Variants in RCC1L observed in about 807,000 individuals in gnomAD.
RCC1L encodes the protein RCC1-like G exchanging factor-like protein.
A neutral mutation model predicts 58.6 loss-of-function variants in RCC1L; 46 were observed. The ratio of observed to expected loss-of-function variants is 0.79; its 90% CI spans 0.62 to 1.00. RCC1L has a LOEUF of 1.00. RCC1L is among the 50% of genes least tolerant of loss of function. The probability of loss-of-function intolerance (pLI) is 0.00; values close to 1 mark genes in which losing one functional copy is unlikely to be tolerated. For missense variants in RCC1L, 636 were observed against 623.6 expected (o/e 1.02, Z -0.21); for synonymous variants, 281 against 262.9 (o/e 1.07, Z -0.67).
chr7:75,049,983 CAG>C (rs1805855105), intron 10 of RCC1L, among the ~76,000 whole-genome samples: 1 of 152,146 alleles, frequency 6.6e-6, no homozygotes, highest in South Asian at 2.1e-4. Flanking sequence ...CCAAAGAGGA[CAG>C]GGGTCGAGGC....
In RCC1L at chr7:75,045,520, CTTTTT is replaced by C. The variant is rs781987423; in HGVS notation, c.1318-2416_1318-2412del. ...TGCAAAGAAGCAGATATGCATCTCT[CTTTTT>C]TTTTTTTTTGAGACGGAGTCTCGCT... On this transcript the variant is annotated intron_variant, in intron 10 of 10. Coordinates refer to ENST00000610322, the MANE Select transcript of RCC1L (RefSeq NM_030798.5). 2.1e-5 allele frequency among the ~76,000 whole-genome samples: 3 copies of C among 143,184 alleles called. No homozygotes were observed. In the Admixed American group the frequency reaches 2.1e-4, roughly 10 times the overall value. 93.9% of individuals were successfully genotyped at this position (143,184 alleles called of 152,430 possible).
chr7:75,072,192 G>GTA (rs1806785594), intron 1 of RCC1L, among the ~76,000 whole-genome samples: 2 of 63,260 alleles, frequency 3.2e-5, no homozygotes, highest in African/African-American at 4.2e-5. Flanking sequence ...ATATATATAT[G>GTA]GAGAGAGAGA....
intron 10 of RCC1L, among the ~76,000 whole-genome samples, chr7:75,030,643 T>C (rs1805277303): frequency 6.6e-6 from 1 of 152,172 alleles, no homozygotes; most frequent in Admixed American, 6.5e-5. Flanking sequence ...CCCACAGGGC[T>C]GCTTGAGTGT....
rs1806693220 is a variant in RCC1L at position 75,070,701 on chromosome 7, G to T, written c.393C>A (p.Val131=). 6.2e-7 allele frequency: 1 copy of T among 1,613,994 alleles called. No individual in the cohort carries two copies. Among genetic ancestry groups the T allele is most frequent in the Admixed American group, 1.7e-5 (1 of 59,988 alleles). Residue 131 remains valine (V), a synonymous_variant, in exon 2 of 11, where the codon GTC becomes GTA. Transcript: ENST00000610322. ...LSSKTADVTK[V]WGMGLNKDSQ... ...AATCTTTGTTGAGTCCCATCCCCCAGACTTTCGTAACATCCGCAGTCTTAG... is the reference window on the plus strand; with the variant it reads ...AATCTTTGTTGAGTCCCATCCCCCATACTTTCGTAACATCCGCAGTCTTAG...
chr7:75,059,135 G>C (rs1418064340), intron 6 of RCC1L, among the ~76,000 whole-genome samples: 9 of 136,116 alleles, frequency 6.6e-5, no homozygotes, highest in Non-Finnish European at 1.2e-4. Context: ...GGAGGTTCCA[G>C]TTAAGCCAAG....
At chr7:75,050,610 G>A (rs1805874488) in intron 10 of RCC1L, among the ~76,000 whole-genome samples, 1 of 152,282 alleles carries the variant, frequency 6.6e-6, no homozygotes, top group African/African-American at 2.4e-5. Context: ...GAAAGAAAGG[G>A]CAAAGTGAGA....
chr7:75,062,417 A>G (rs1806304656), intron 5 of RCC1L, among the ~76,000 whole-genome samples: 1 of 152,188 alleles, frequency 6.6e-6, no homozygotes, highest in Non-Finnish European at 1.5e-5. Context: ...GGGCTGAGGC[A>G]AGATCACTTG....
intron 3 of RCC1L, among the ~76,000 whole-genome samples, chr7:75,065,790 G>C (rs1806451933): frequency 6.6e-6 from 1 of 152,036 alleles, no homozygotes; most frequent in Non-Finnish European, 1.5e-5. Flanking sequence ...GACCGAGGTG[G>C]GCGGATCACC....
downstream of RCC1L, among the ~76,000 whole-genome samples, chr7:75,040,755 G>A (rs1018173924): frequency 1.3e-3 from 203 of 152,144 alleles, no homozygotes; most frequent in Non-Finnish European, 1.7e-3. Context: ...AATGACACAC[G>A]GTTTTCAATT....
At chr7:75,028,091 G>A in intron 10 of RCC1L, 1 of 1,526,282 alleles carries the variant, frequency 6.6e-7, no homozygotes, top group South Asian at 1.2e-5. Flanking sequence ...TGGCGGGGGA[G>A]GAAGAGGGCT....
At chr7:75,066,574 C>A in intron 3 of RCC1L, 90 bp downstream of exon 3, 10 of 1,568,934 alleles carry the variant, frequency 6.4e-6, no homozygotes, top group Non-Finnish European at 8.7e-6. Context: ...GTGGCTCAAT[C>A]GATCAAGCCA....
chr7:75,056,073 T>C lies in RCC1L; in HGVS notation c.1059A>G (p.Gly353=). Residue 353 remains glycine, a splice_region_variant and synonymous_variant, in exon 9 of 11, where the codon GGA becomes GGG. Transcript: ENST00000610322. ...CGGTGCAVLN[G]EGHVFVWGYG... ...AGCCCCAGACAAAAACATGTCCTTCTCCTACATTACAGTAAAAACAAGGGT... is the reference window on the plus strand; with the variant it reads ...AGCCCCAGACAAAAACATGTCCTTCCCCTACATTACAGTAAAAACAAGGGT... 6.2e-7 allele frequency: 1 copy of C among 1,613,900 alleles called. No homozygotes were observed. The highest frequency in any genetic ancestry group is 8.5e-7 in the Non-Finnish European group (1 of 1,179,836).
In RCC1L at chr7:75,066,717, A is replaced by C; in HGVS notation, c.530T>G (p.Leu177Arg). ...PLDRPQETRV[L>R]QVSCGRAHSL... Reference sequence around the variant, plus strand: ...GTGAGCTCGGCCGCAGGAGACCTGCAGCACCCGTGTCTCCTGAGGTCTGTC... The same window carrying C: ...GTGAGCTCGGCCGCAGGAGACCTGCCGCACCCGTGTCTCCTGAGGTCTGTC... Residue 177 changes from leucine (L) to arginine (R), a missense_variant, in exon 3 of 11, where the codon CTG becomes CGG. Physicochemically the swap from Leu to Arg is moderately radical, Grantham distance 102. Coordinates refer to ENST00000610322, the MANE Select transcript of RCC1L (RefSeq NM_030798.5). 6.2e-7 allele frequency: 1 copy of C among 1,613,646 alleles called. No individual in the cohort carries two copies. Among genetic ancestry groups the C allele is most frequent in the Non-Finnish European group, 8.5e-7 (1 of 1,179,732 alleles).
chr7:75,058,735 G>A lies in RCC1L; in HGVS notation c.822C>T (p.Thr274=). The A allele has an allele frequency of 3.1e-6, 5 of 1,613,986 alleles. No homozygotes were observed. The highest frequency in any genetic ancestry group is 4.2e-6 in the Non-Finnish European group (5 of 1,179,860). The stretch of plus-strand genomic sequence containing the variant: ...CTCCCGCCAGGTCTCCACCCAGCTT[G>A]GTGGGCGAGCTGGTGATATTGTAGT... The part of the protein sequence containing the change: ...LGHYNITSSP[T]KLGGDLAGVN... The change falls in exon 7 of 11, where the codon ACC becomes ACT. Residue 274 remains threonine, a synonymous_variant. Coordinates refer to ENST00000610322, the MANE Select transcript of RCC1L (RefSeq NM_030798.5).
Position 75,027,974 on chromosome 7 carries a change from C to T in RCC1L, c.*58G>A. On this transcript the variant is annotated 3_prime_UTR_variant, in exon 11 of 11. Transcript: ENST00000614461. ...GAGGGGCATGTGTTTCTCAGAGGGG[C>T]TCCATCCGCAGTTGCATGGAACTCC... 2.0e-6 allele frequency: 3 copies of T among 1,506,394 alleles called. No individual in the cohort carries two copies. The South Asian group carries it at 3.6e-5, about 18-fold the overall frequency. The allele number at this position is 1,506,394 out of a possible 1,614,324, so 93.3% of individuals were successfully genotyped here. A position where few individuals can be genotyped will look rare whatever the true frequency, so the allele number is the denominator to read the frequency against.
chr7:75,034,040 C>A (rs1805376844), intron 10 of RCC1L, among the ~76,000 whole-genome samples: 1 of 152,050 alleles, frequency 6.6e-6, no homozygotes, highest in Non-Finnish European at 1.5e-5. Flanking sequence ...AAAATATGCA[C>A]CGAAAGGGAA....
chr7:75,044,480 C>A (rs1805658475), intron 10 of RCC1L, among the ~76,000 whole-genome samples: 1 of 150,732 alleles, frequency 6.6e-6, no homozygotes, highest in South Asian at 2.1e-4. Flanking sequence ...ACGCCTATAA[C>A]CCCAGCTACT....
At chr7:75,028,040 G>A in exon 11 of RCC1L, 1 of 1,534,824 alleles carries the variant, frequency 6.5e-7, no homozygotes, top group Middle Eastern at 1.8e-4. Context: ...AATCAGAGGA[G>A]TGGGCCTGTT....
chr7:75,036,858 G>A (rs936707781), intron 10 of RCC1L, among the ~76,000 whole-genome samples: 3 of 152,128 alleles, frequency 2.0e-5, no homozygotes, highest in South Asian at 2.1e-4. Context: ...AGCTGAGATC[G>A]CACCACTGCA....
Sources: gnomAD v4.1 joint callset for allele counts (sites outside exome capture counted in the v4.1 genomes callset) on GRCh38, gnomAD v4.1.1 for gene constraint, MANE v1.5 for transcripts, NCBI Gene and HGNC (gene_info 2026-07-23, HGNC 2026-07-21) for gene names.